The following SLC7A14 variants were observed in gnomAD, a reference collection of about 807,000 sequenced individuals.
SLC7A14 encodes gamma-aminobutyric acid transporter SLC7A14.
Under a neutral mutation model 60.2 loss-of-function variants are expected in SLC7A14, and 37 were observed. That is an observed-to-expected ratio of 0.61 (90% CI 0.47 to 0.81). The LOEUF is 0.81. Among genes scored for constraint, SLC7A14 ranks in the 30% least tolerant of loss-of-function variants. The pLI is 0.00. For synonymous variants in SLC7A14, 399 were observed against 395.8 expected (o/e 1.01, Z -0.10); for missense variants, 886 against 982.7 (o/e 0.90, Z 1.32).
intron 2 of SLC7A14, chr3:170,502,684 A>G (rs1233859403): frequency 6.6e-6 from 1 of 152,230 alleles, no homozygotes; most frequent in Non-Finnish European, 1.5e-5. Flanking sequence ...TTTTGTGAAT[A>G]AAGAGAGCAG....
intron 1 of SLC7A14, among the ~76,000 whole-genome samples, chr3:170,564,913 G>A (rs1714752920): frequency 6.6e-6 from 1 of 152,128 alleles, no homozygotes; most frequent in Non-Finnish European, 1.5e-5. Flanking sequence ...TGTAGATTCA[G>A]GCCCTGTAGG....
chr3:170,516,384 C>A (rs560635425), intron 2 of SLC7A14, among the ~76,000 whole-genome samples: 1 of 151,982 alleles, frequency 6.6e-6, no homozygotes, highest in African/African-American at 2.4e-5. Flanking sequence ...CCCCAATAAA[C>A]GTGAGCGTTC....
chr3:170,558,905 C>T (rs983125436), intron 1 of SLC7A14, among the ~76,000 whole-genome samples: 8 of 152,142 alleles, frequency 5.3e-5, no homozygotes, highest in Non-Finnish European at 1.0e-4. Flanking sequence ...TATAATAGTG[C>T]TTAGTCCTGG....
chr3:170,470,395 CT>C (rs1424736401), intron 7 of SLC7A14, among the ~76,000 whole-genome samples: 1 of 150,514 alleles, frequency 6.6e-6, no homozygotes, highest in Non-Finnish European at 1.5e-5. Flanking sequence ...TTACTTTTTA[CT>C]TTGTGAAGAC....
At chr3:170,521,658 C>T (rs1274815677) in intron 2 of SLC7A14, among the ~76,000 whole-genome samples, 3 of 152,228 alleles carry the variant, frequency 2.0e-5, no homozygotes, top group African/African-American at 7.2e-5. Flanking sequence ...GGCGTGGGCT[C>T]ATGCCTGTAA....
chr3:170,527,519 A>C (rs978762284), intron 1 of SLC7A14, among the ~76,000 whole-genome samples: 52 of 152,224 alleles, frequency 3.4e-4, no homozygotes, highest in African/African-American at 1.3e-3. Context: ...TTACTTTGCC[A>C]ATACTTGGTC....
intron 1 of SLC7A14, among the ~76,000 whole-genome samples, chr3:170,540,446 T>G (rs770411834): frequency 6.6e-6 from 1 of 152,062 alleles, no homozygotes; most frequent in Non-Finnish European, 1.5e-5. Context: ...TTTTGATTTT[T>G]AGTTTGCTTC....
intron 2 of SLC7A14, among the ~76,000 whole-genome samples, chr3:170,520,655 G>A (rs1302558055): frequency 6.6e-6 from 1 of 152,192 alleles, no homozygotes; most frequent in African/African-American, 2.4e-5. Flanking sequence ...GCATACTGTT[G>A]TTGAATCCTT....
chr3:170,546,863 A>G (rs1433608072), intron 1 of SLC7A14, among the ~76,000 whole-genome samples: 1 of 152,210 alleles, frequency 6.6e-6, no homozygotes, highest in Non-Finnish European at 1.5e-5. Flanking sequence ...CATCACATGC[A>G]GGTAGATGAT....
At chr3:170,500,133 G>A (rs1297774680) in intron 3 of SLC7A14, among the ~76,000 whole-genome samples, 1 of 152,106 alleles carries the variant, frequency 6.6e-6, no homozygotes, top group Non-Finnish European at 1.5e-5. Context: ...TCTAGAATGT[G>A]AGTTTATCAG....
intron 1 of SLC7A14, among the ~76,000 whole-genome samples, chr3:170,534,945 A>T (rs1434304142): frequency 6.6e-6 from 1 of 152,228 alleles, no homozygotes; most frequent in African/African-American, 2.4e-5. Flanking sequence ...CACTCTCAAG[A>T]GCATCTACTT....
rs369155086 is a variant in SLC7A14, at chr3:170,549,427, A to G, written c.-152-22339T>C. Among the ~76,000 whole-genome samples, 34 of 152,078 alleles carry G rather than the reference A, an allele frequency of 2.2e-4. 1 individual carries two copies. The South Asian group carries it at 6.5e-3, about 29-fold the overall frequency. ...ACAGGGTTTCACCATGTTGGCCAGG[A>G]TGGTCTCAATCTCCCGACCTTGTGA... On this transcript the variant is annotated intron_variant, in intron 1 of 7. Coordinates refer to ENST00000231706, the MANE Select transcript of SLC7A14 (RefSeq NM_020949.3).
chr3:170,501,609 A>G (rs1268475312), intron 2 of SLC7A14, among the ~76,000 whole-genome samples: 2 of 152,126 alleles, frequency 1.3e-5, no homozygotes. Flanking sequence ...AAAAAATTCC[A>G]CTTGTGTGTG....
Position 170,498,836 on chromosome 3 carries a change from A to G in SLC7A14, c.590T>C (p.Val197Ala), listed in dbSNP as rs746338400. Residue 197 changes from valine (V) to alanine (A), a missense_variant, in exon 4 of 8, where the codon GTC (valine) becomes GCC (alanine). Transcript: ENST00000231706. ...CAGAGCAACAATGATGGTCACGATG[A>G]CCGCGATCAACAGAGCCAGAAGGTC... ...YPDLLALLIA[V>A]IVTIIVALGV... 8.1e-6 allele frequency: 13 copies of G among 1,614,044 alleles called. No homozygotes were observed. The highest frequency in any genetic ancestry group is 5.0e-5 in the Admixed American group (3 of 60,008).
chr3:170,517,276 A>G (rs1713193143), intron 2 of SLC7A14, among the ~76,000 whole-genome samples: 1 of 152,188 alleles, frequency 6.6e-6, no homozygotes, highest in South Asian at 2.1e-4. Context: ...ATGGCTGTGT[A>G]TTGGGACATT....
At chr3:170,512,614 G>A (rs1713015664) in intron 2 of SLC7A14, among the ~76,000 whole-genome samples, 1 of 148,072 alleles carries the variant, frequency 6.8e-6, no homozygotes, top group African/African-American at 2.5e-5. Context: ...AGAACTCTAG[G>A]CGGATTCAGC....
intron 4 of SLC7A14, 24 bp from the exon 5 acceptor site, chr3:170,486,392 A>T: frequency 6.2e-7 from 1 of 1,614,124 alleles, no homozygotes; most frequent in Non-Finnish European, 8.5e-7. Flanking sequence ...GGCATTTGTC[A>T]GACTCAGAAG....
intron 2 of SLC7A14, among the ~76,000 whole-genome samples, chr3:170,520,833 A>AT (rs756126129): frequency 4.6e-5 from 7 of 152,214 alleles, no homozygotes; most frequent in Non-Finnish European, 7.3e-5. Flanking sequence ...CACTACTCAA[A>AT]TAAGAGCCTC....
chr3:170,495,715 A>C, intron 4 of SLC7A14: 5 of 1,107,716 alleles, frequency 4.5e-6, no homozygotes, highest in Non-Finnish European at 5.6e-6. Context: ...ACCCAGGAGA[A>C]GGAGCAGATC....
Sources: allele counts gnomAD v4.1 joint callset (sites outside exome capture counted in the v4.1 genomes callset), GRCh38; gene constraint gnomAD v4.1.1; transcripts MANE v1.5; gene names NCBI Gene and HGNC (gene_info 2026-07-23, HGNC 2026-07-21).